CDK6: variants seen among roughly 807,000 people sequenced by gnomAD.
CDK6 encodes the protein cyclin dependent kinase 6, also known as cyclin-dependent kinase 6.
A neutral mutation model predicts 37.1 loss-of-function variants in CDK6; 6 were observed. That is an observed-to-expected ratio of 0.16 (90% CI 0.09 to 0.32). CDK6 has a LOEUF of 0.32. Among genes scored for constraint, CDK6 ranks in the 10% least tolerant of loss-of-function variants. The pLI is 1.00. For synonymous variants in CDK6, 160 were observed against 161.3 expected (o/e 0.99, Z 0.06); for missense variants, 224 against 418.9 (o/e 0.53, Z 4.06).
chr7:92,784,643 G>A (rs1470596646), intron 2 of CDK6, among the ~76,000 whole-genome samples: 1 of 152,228 alleles, frequency 6.6e-6, no homozygotes, highest in African/African-American at 2.4e-5. Flanking sequence ...AGGATGGGGT[G>A]AGGGGAACTC....
chr7:92,827,814 T>A (rs1055735235), intron 2 of CDK6, among the ~76,000 whole-genome samples: 5 of 152,156 alleles, frequency 3.3e-5, no homozygotes, highest in Non-Finnish European at 7.4e-5. Flanking sequence ...ACAATTAATT[T>A]ACTTCCTATG....
chr7:92,814,798 A>G (rs1172129555), intron 2 of CDK6, among the ~76,000 whole-genome samples: 1 of 152,136 alleles, frequency 6.6e-6, no homozygotes, highest in Admixed American at 6.5e-5. Context: ...GTCACCAAAG[A>G]GATAGTAGTC....
In CDK6 at chr7:92,671,109, C is replaced by T. The variant is rs3731333; in HGVS notation, c.647+317G>A. ...GGATAAAGTCCACTTTGAGATATTT[C>T]TTCACTAAAAAAATGCGAAAATATG... On this transcript the variant is annotated intron_variant, in intron 5 of 7. Coordinates refer to ENST00000424848, the MANE Select transcript of CDK6 (RefSeq NM_001145306.2). 1.7e-3 allele frequency: 318 copies of T among 183,382 alleles called. 2 individuals are homozygous for T. Among genetic ancestry groups the T allele is most frequent in the African/African-American group, 6.7e-3 (287 of 42,780 alleles). The allele number at this position is 183,382 out of a possible 1,614,324, so 11.4% of individuals were successfully genotyped here.
At chr7:92,680,221 T>C (rs1585393838) in intron 4 of CDK6, among the ~76,000 whole-genome samples, 1 of 149,286 alleles carries the variant, frequency 6.7e-6, no homozygotes, top group Non-Finnish European at 1.5e-5. Context: ...TGACCTGAGG[T>C]TGGGAGTTCG....
At chr7:92,827,903 A>T (rs1359211224) in intron 2 of CDK6, among the ~76,000 whole-genome samples, 1 of 152,100 alleles carries the variant, frequency 6.6e-6, no homozygotes, top group Non-Finnish European at 1.5e-5. Flanking sequence ...GAAAACACAT[A>T]TTTGCTTATG....
At chr7:92,728,677 C>T (rs998208249) in intron 3 of CDK6, among the ~76,000 whole-genome samples, 10 of 152,238 alleles carry the variant, frequency 6.6e-5, no homozygotes, top group African/African-American at 2.2e-4. Context: ...ACTGCACTAA[C>T]GTTGATTCCA....
chr7:92,691,979 C>T (rs1797608550), intron 4 of CDK6, among the ~76,000 whole-genome samples: 1 of 152,160 alleles, frequency 6.6e-6, no homozygotes. Context: ...CATATGAAAG[C>T]CCTGTAGGCT....
intron 3 of CDK6, among the ~76,000 whole-genome samples, chr7:92,753,207 A>G (rs2115686705): frequency 6.6e-6 from 1 of 152,222 alleles, no homozygotes; most frequent in African/African-American, 2.4e-5. Context: ...AATAGAATTC[A>G]ATTACTGATG....
intron 4 of CDK6, among the ~76,000 whole-genome samples, chr7:92,720,166 G>C (rs1181289829): frequency 1.3e-5 from 2 of 152,184 alleles, no homozygotes; most frequent in Admixed American, 6.5e-5. Flanking sequence ...GCATGAGCTA[G>C]TTGTCTGTTT....
Position 92,615,108 on chromosome 7 carries a change from C to T in CDK6, c.*32G>A, listed in dbSNP as rs42039. On this transcript the variant is annotated 3_prime_UTR_variant, in exon 8 of 8. Transcript: ENST00000424848. ...CCCATAAGCCACCAAGGGTGTTCTCCGCAGGATCAGCTTAAGGCGGCTGCT... is the reference window on the plus strand; with the variant it reads ...CCCATAAGCCACCAAGGGTGTTCTCTGCAGGATCAGCTTAAGGCGGCTGCT... The T allele has an allele frequency of 0.22, 353,332 of 1,610,222 alleles. 41,796 individuals carry two copies. Among genetic ancestry groups the T allele is most frequent in the Non-Finnish European group, 0.24 (288,448 of 1,178,158 alleles).
rs548958931 is a variant in CDK6, at chr7:92,834,593, C to A, written c.-367-903G>T. Among the ~76,000 whole-genome samples, 2 of 150,428 alleles carry A rather than the reference C, an allele frequency of 1.3e-5. No individual in the cohort carries two copies. The highest frequency in any genetic ancestry group is 6.7e-5 in the Admixed American group (1 of 15,004). ...TTGTCGTCTCCTTAAAGAATAACTT[C>A]AGGAAGGGGATAGCATAATCGCGCC... is the stretch of plus-strand genomic sequence containing the variant. On this transcript the variant is annotated intron_variant, in intron 1 of 7. Transcript: ENST00000424848. This position sits in a 1 kb window ranked among gnomAD's most constrained non-coding sequence, Gnocchi z 4.6.
chr7:92,685,548 G>A (rs1165214952), intron 4 of CDK6, among the ~76,000 whole-genome samples: 4 of 152,116 alleles, frequency 2.6e-5, no homozygotes, highest in African/African-American at 7.2e-5. Flanking sequence ...TTTTATCCTG[G>A]AAACTGTTAG....
intron 5 of CDK6, among the ~76,000 whole-genome samples, chr7:92,667,743 G>T (rs929533044): frequency 6.6e-6 from 1 of 151,612 alleles, no homozygotes; most frequent in Non-Finnish European, 1.5e-5. Flanking sequence ...GTAGAGACAG[G>T]GTTTCGCCAT....
At chr7:92,715,408 A>T (rs183394887) in intron 4 of CDK6, among the ~76,000 whole-genome samples, 53 of 152,296 alleles carry the variant, frequency 3.5e-4, no homozygotes, top group African/African-American at 1.1e-3. Flanking sequence ...AAATTCTCCT[A>T]CGCTTTCCCC....
At chr7:92,816,349 A>T (rs949969318) in intron 2 of CDK6, among the ~76,000 whole-genome samples, 1 of 152,160 alleles carries the variant, frequency 6.6e-6, no homozygotes, top group African/African-American at 2.4e-5. Flanking sequence ...CACAGTGAGG[A>T]GAAAATTGGA....
intron 4 of CDK6, among the ~76,000 whole-genome samples, chr7:92,690,699 C>T (rs577542022): frequency 2.6e-5 from 4 of 152,224 alleles, no homozygotes; most frequent in East Asian, 1.9e-4. Context: ...TCTATGACAA[C>T]GTATGGGGTT....
At chr7:92,639,936 A>G (rs566395599) in intron 5 of CDK6, among the ~76,000 whole-genome samples, 5 of 152,244 alleles carry the variant, frequency 3.3e-5, no homozygotes, top group Admixed American at 1.3e-4. Flanking sequence ...AAGCAAATTC[A>G]AATTATGGTA....
chr7:92,785,121 T>A (rs1270933736), intron 2 of CDK6, among the ~76,000 whole-genome samples: 2 of 152,106 alleles, frequency 1.3e-5, no homozygotes, highest in Non-Finnish European at 2.9e-5. Flanking sequence ...AGCCCAAAAC[T>A]GTAAATAACC....
intron 5 of CDK6, among the ~76,000 whole-genome samples, chr7:92,669,951 G>A (rs976001772): frequency 6.6e-6 from 1 of 152,228 alleles, no homozygotes; most frequent in Non-Finnish European, 1.5e-5. Flanking sequence ...TTCCAGCAAG[G>A]TGCCTGGTGA....
Sources: gnomAD v4.1 joint callset for allele counts (sites outside exome capture counted in the v4.1 genomes callset) on GRCh38, gnomAD v4.1.1 for gene constraint, Gnocchi (gnomAD v3.1) non-coding constraint, MANE v1.5 for transcripts, NCBI Gene and HGNC (gene_info 2026-07-23, HGNC 2026-07-21) for gene names.